Variants in SLC11A2 observed in about 807,000 individuals in gnomAD.
The protein encoded by SLC11A2 is natural resistance-associated macrophage protein 2.
Under a neutral mutation model 68.0 loss-of-function variants are expected in SLC11A2, and 38 were observed. That is an observed-to-expected ratio of 0.56 (90% CI 0.43 to 0.73). SLC11A2 has a LOEUF of 0.73. SLC11A2 is among the 30% of genes least tolerant of loss of function. The pLI, the probability that SLC11A2 is intolerant of heterozygous loss-of-function variation, is 0.00. For missense variants in SLC11A2, 517 were observed against 690.5 expected (o/e 0.75, Z 2.82); for synonymous variants, 242 against 250.6 (o/e 0.97, Z 0.32).
chr12:50,975,108 A>G (rs1425100467), downstream of SLC11A2, among the ~76,000 whole-genome samples: 4 of 152,232 alleles, frequency 2.6e-5, no homozygotes, highest in Non-Finnish European at 5.9e-5. Context: ...AAGGATATCC[A>G]GAAATTGAAC....
chr12:51,014,272 GCAAA>G (rs968448614), intron 1 of SLC11A2: 2 of 152,184 alleles, frequency 1.3e-5, no homozygotes, highest in Non-Finnish European at 2.9e-5. Context: ...TATTTTAAAA[GCAAA>G]CAATTAAGGT....
chr12:50,981,074 C>G (rs1453357040), downstream of SLC11A2: 1 of 152,040 alleles, frequency 6.6e-6, no homozygotes, highest in Non-Finnish European at 1.5e-5. Flanking sequence ...ACAATAATTA[C>G]AAAATAGGCT....
At chr12:51,002,066 G>C (rs943882248) in intron 5 of SLC11A2, among the ~76,000 whole-genome samples, 24 of 152,126 alleles carry the variant, frequency 1.6e-4, no homozygotes, top group African/African-American at 5.6e-4. Context: ...AAATTTGTCA[G>C]GTCACCCATG....
At chr12:51,000,454 T>C (rs373996816) in intron 5 of SLC11A2, 35 bp from the exon 6 acceptor site, 71 of 1,509,510 alleles carry the variant, frequency 4.7e-5, no homozygotes, top group South Asian at 6.8e-5. Flanking sequence ...ACGGTTCTGA[T>C]TAATCATTTC....
the SLC11A2 span, chr12:50,961,142 G>C: frequency 1.3e-5 from 21 of 1,600,272 alleles, no homozygotes; most frequent in Admixed American, 8.5e-5. Context: ...AGCTGTCTTT[G>C]AGAGTACATT....
chr12:51,013,010 A>G (rs1195410308), intron 1 of SLC11A2, among the ~76,000 whole-genome samples: 1 of 152,196 alleles, frequency 6.6e-6, no homozygotes, highest in Non-Finnish European at 1.5e-5. Context: ...TGTTTTACAT[A>G]TAATTGTAAC....
chr12:50,976,814 A>G (rs545848870), downstream of SLC11A2, among the ~76,000 whole-genome samples: 3 of 152,262 alleles, frequency 2.0e-5, no homozygotes, highest in African/African-American at 4.8e-5. Flanking sequence ...TACAAAAATC[A>G]ATGTGCAAAA....
chr12:51,027,045 G>A (rs1944422205), upstream of SLC11A2, among the ~76,000 whole-genome samples: 1 of 152,092 alleles, frequency 6.6e-6, no homozygotes, highest in Non-Finnish European at 1.5e-5. Context: ...GCGTGGTGGC[G>A]CATGCCTGTA....
downstream of SLC11A2, among the ~76,000 whole-genome samples, chr12:50,978,464 G>A (rs555486844): frequency 4.3e-5 from 6 of 139,164 alleles, no homozygotes; most frequent in African/African-American, 1.6e-4. Context: ...GACACAGGAA[G>A]GGGAACATCA....
chr12:50,997,862 C>A (rs1941859421), intron 8 of SLC11A2, among the ~76,000 whole-genome samples: 1 of 150,766 alleles, frequency 6.6e-6, no homozygotes, highest in African/African-American at 2.4e-5. Flanking sequence ...GTGGCGGGCA[C>A]CCGTAATCCC....
At chr12:51,010,624 G>A in intron 2 of SLC11A2, 71 bp downstream of exon 2, 1 of 875,658 alleles carries the variant, frequency 1.1e-6, no homozygotes, top group African/African-American at 1.6e-5. Flanking sequence ...GGAAAAATAT[G>A]ATAAATTTCT....
chr12:51,004,850 C>A lies in SLC11A2; in HGVS notation c.367G>T (p.Ala123Ser), dbSNP rs773224635. Residue 123 changes from alanine to serine, a missense_variant, in exon 5 of 16, where the codon GCT becomes TCT. By Grantham distance (99) the Ala-to-Ser change is moderately conservative. Coordinates refer to ENST00000262052, the MANE Select transcript of SLC11A2 (RefSeq NM_000617.3). Reference protein sequence around the residue: ...LVGLLLQRLAARLGVVTGLHL... With the variant: ...LVGLLLQRLASRLGVVTGLHL... The stretch of plus-strand genomic sequence containing the variant: ...AGCCCAGTAACCACTCCCAGTCTAG[C>A]TGCAAGCCGCTGGAGCAGCAGCCCC... The A allele has an allele frequency of 6.2e-7, 1 of 1,614,180 alleles. No homozygotes were observed. Among genetic ancestry groups the A allele is most frequent in the Non-Finnish European group, 8.5e-7 (1 of 1,180,016 alleles).
downstream of SLC11A2, among the ~76,000 whole-genome samples, chr12:50,985,274 A>C (rs1258223469): frequency 2.0e-5 from 3 of 152,192 alleles, no homozygotes; most frequent in Admixed American, 2.0e-4. Context: ...CATTGTTTTG[A>C]ATCCTATTTT....
intron 3 of SLC11A2, among the ~76,000 whole-genome samples, chr12:51,007,729 CT>C (rs772861454): frequency 6.6e-6 from 1 of 152,084 alleles, no homozygotes; most frequent in Non-Finnish European, 1.5e-5. Context: ...CAACTTCTGC[CT>C]CCTAGGCTCA....
intron 15 of SLC11A2, among the ~76,000 whole-genome samples, chr12:50,988,958 C>T (rs1252861405): frequency 6.6e-6 from 1 of 152,118 alleles, no homozygotes; most frequent in Non-Finnish European, 1.5e-5. Context: ...AAGCAATCCT[C>T]CTGGCTCGGC....
chr12:51,026,916 C>G (rs1212122043), upstream of SLC11A2, among the ~76,000 whole-genome samples: 1 of 152,116 alleles, frequency 6.6e-6, no homozygotes, highest in Non-Finnish European at 1.5e-5. Flanking sequence ...GTGGCTCACG[C>G]CTGTACTCCC....
chr12:50,961,042 A>G, the SLC11A2 span: 1 of 1,613,604 alleles, frequency 6.2e-7, no homozygotes, highest in Admixed American at 1.7e-5. Flanking sequence ...GAAAATGTCA[A>G]TTCATCTTAT....
At position 50,999,369 on chromosome 12, in the gene SLC11A2, C is replaced by T; in HGVS notation, c.583G>A (p.Val195Ile). The T allele has an allele frequency of 1.2e-6, 2 of 1,613,912 alleles. No individual in the cohort carries two copies. Among genetic ancestry groups the T allele is most frequent in the Non-Finnish European group, 1.7e-6 (2 of 1,179,862 alleles). Reference protein sequence around the residue: ...GVLITIADTFVFLFLDKYGLR... With the variant: ...GVLITIADTFIFLFLDKYGLR... ...CCATATTTGTCCAAGAAGAGAAATA[C>T]AAAAGTATCTGCAATGGTGATGAGA... Residue 195 changes from valine (V) to isoleucine (I), a missense_variant, in exon 7 of 16, where the codon GTA becomes ATA. Transcript: ENST00000262052.
chr12:50,994,611 G>GTATT lies in SLC11A2; in HGVS notation c.1006_1009dup (p.Thr337LysfsTer12), dbSNP rs770267577. The GTATT allele has an allele frequency of 6.2e-7, 1 of 1,611,810 alleles. No homozygotes were observed. The highest frequency in any genetic ancestry group is 8.5e-7 in the Non-Finnish European group (1 of 1,177,906). ...AAAGAGGCCAGCATGAGGACTGCTG[G>GTATT]TATTTGTACAGACTTCAACCTAGAA... On this transcript the variant is annotated frameshift_variant, in exon 11 of 16. Coordinates refer to ENST00000262052, the MANE Select transcript of SLC11A2 (RefSeq NM_000617.3). LOFTEE classifies it high-confidence loss of function.
Sources: gnomAD v4.1 joint callset for allele counts (sites outside exome capture counted in the v4.1 genomes callset) on GRCh38, gnomAD v4.1.1 for gene constraint, MANE v1.5 for transcripts, NCBI Gene and HGNC (gene_info 2026-07-23, HGNC 2026-07-21) for gene names.